Variants in MCF2L observed in about 807,000 individuals in gnomAD.
MCF2L encodes guanine nucleotide exchange factor DBS.
Under a neutral mutation model 153.4 loss-of-function variants are expected in MCF2L, and 97 were observed. The ratio of observed to expected loss-of-function variants is 0.63; its 90% confidence interval spans 0.54 to 0.75. MCF2L has a LOEUF of 0.75. MCF2L is among the 30% of genes least tolerant of loss of function. MCF2L has a pLI of 0.00. For synonymous variants in MCF2L, 659 were observed against 632.2 expected, an observed-to-expected ratio of 1.04 and a Z score of -0.64; for missense variants, 1,347 against 1,495.2, an observed-to-expected ratio of 0.90 and a Z score of 1.64.
In MCF2L at chr13:112,932,305, C is replaced by T. The variant is rs550475164; in HGVS notation, c.169+29934C>T. On this transcript the variant is annotated intron_variant, in intron 2 of 29. Transcript: ENST00000375608. This position sits in a 1 kb window ranked among gnomAD's most constrained non-coding sequence, Gnocchi z 4.6. ...CTCCCCACTCCAATCATGAGAAGGA[C>T]GTCAGAGTTCCAACAGAGGCTTCCA... Among the ~76,000 whole-genome samples, 3 of 152,144 alleles carry T rather than the reference C, an allele frequency of 2.0e-5. No individual in the cohort carries two copies. The South Asian group carries it at 6.2e-4, about 32-fold the overall frequency.
At chr13:112,925,709 CTG>C (rs1355625826) in intron 2 of MCF2L, among the ~76,000 whole-genome samples, 1 of 152,086 alleles carries the variant, frequency 6.6e-6, no homozygotes, top group Non-Finnish European at 1.5e-5. Flanking sequence ...TGTTCTTTAG[CTG>C]ACCTGGGCAG....
intron 2 of MCF2L, among the ~76,000 whole-genome samples, chr13:112,962,186 C>T (rs1204663702): frequency 1.3e-5 from 2 of 150,744 alleles, no homozygotes; most frequent in East Asian, 3.9e-4. Context: ...CACACACACG[C>T]ATGCACAAAC....
chr13:113,027,151 G>A lies in MCF2L; in HGVS notation c.278+2393G>A, dbSNP rs2141320453. 8.8e-6 allele frequency: 6 copies of A among 684,270 alleles called. No homozygotes were observed. The highest frequency in any genetic ancestry group is 1.6e-5 in the Non-Finnish European group (6 of 374,680). The allele number at this position is 684,270 out of a possible 1,614,324, so 42.4% of individuals were successfully genotyped here. ...ACCATCAGCGTGAAAGTGCAGCCGT[G>A]GCCATTACCGTGAAGGTTCTTCATT... is the stretch of plus-strand genomic sequence containing the variant. On this transcript the variant is annotated intron_variant, in intron 3 of 29. Coordinates refer to ENST00000535094, the MANE Select transcript of MCF2L (RefSeq NM_001112732.3). The surrounding 1 kb of genome is among the most constrained non-coding windows in gnomAD (Gnocchi z 4.8).
At chr13:113,071,037 C>T (rs958215759) in intron 9 of MCF2L, among the ~76,000 whole-genome samples, 1 of 152,096 alleles carries the variant, frequency 6.6e-6, no homozygotes, top group Non-Finnish European at 1.5e-5. Flanking sequence ...CTAGTTGCTT[C>T]CCCTTTCCCC....
chr13:112,932,314 T>A lies in MCF2L; in HGVS notation c.169+29943T>A, dbSNP rs908040339. Among the ~76,000 whole-genome samples, 12 of 152,056 alleles carry A rather than the reference T, an allele frequency of 7.9e-5. No homozygotes were observed. Among genetic ancestry groups the A allele is most frequent in the Non-Finnish European group, 1.8e-4 (12 of 68,012 alleles). ...CCAATCATGAGAAGGACGTCAGAGT[T>A]CCAACAGAGGCTTCCAGTATACCTG... On this transcript the variant is annotated intron_variant, in intron 2 of 29. Coordinates refer to the MCF2L transcript ENST00000375608. The surrounding 1 kb of genome is among the most constrained non-coding windows in gnomAD (Gnocchi z 4.6).
Position 113,084,080 on chromosome 13 carries a change from T to C in MCF2L, c.2061+13T>C. 6.2e-7 allele frequency: 1 copy of C among 1,609,094 alleles called. No homozygotes were observed. Among genetic ancestry groups the C allele is most frequent in the Non-Finnish European group, 8.5e-7 (1 of 1,175,476 alleles). ...CTTTCTGGAGAGGGTAGGTGGTGTT[T>C]TGACGTGTATTTTGTCACAACTTCT... On this transcript the variant is annotated intron_variant, in intron 18 of 29. Coordinates refer to ENST00000535094, the MANE Select transcript of MCF2L (RefSeq NM_001112732.3).
In MCF2L at chr13:112,980,739, G is replaced by A. The variant is rs528634530; in HGVS notation, c.79+11281G>A. Among the ~76,000 whole-genome samples, 25 of 148,966 alleles carry A rather than the reference G, an allele frequency of 1.7e-4. No individual in the cohort carries two copies. In the East Asian group the frequency reaches 4.5e-3, roughly 27 times the overall value. On this transcript the variant is annotated intron_variant, in intron 1 of 29. Coordinates refer to ENST00000535094, the MANE Select transcript of MCF2L (RefSeq NM_001112732.3). ...ACTGCCGGTCAGCTGAGCGTGCACC[G>A]TGTGGGTGCAAGTACCCCAGGGCTA...
intron 2 of MCF2L, among the ~76,000 whole-genome samples, chr13:112,963,992 G>T (rs1242606017): frequency 6.6e-6 from 1 of 152,242 alleles, no homozygotes; most frequent in Non-Finnish European, 1.5e-5. Context: ...CACTGGAAGG[G>T]CTGTGGATGG....
In MCF2L at chr13:113,031,646, A is replaced by C. The variant is rs1490858594; in HGVS notation, c.278+6888A>C. ...GGCGGCGGCCCTCAGAGAAGGGACG[A>C]GGTGGGAAGCCTGGAGCTTGCTGGA... On this transcript the variant is annotated intron_variant, in intron 3 of 29. Coordinates refer to ENST00000535094, the MANE Select transcript of MCF2L (RefSeq NM_001112732.3). The surrounding 1 kb of genome is among the most constrained non-coding windows in gnomAD (Gnocchi z 5.5). Among the ~76,000 whole-genome samples, 1 of 151,976 alleles carries C rather than the reference A, an allele frequency of 6.6e-6. No individual in the cohort carries two copies. Among genetic ancestry groups the C allele is most frequent in the Non-Finnish European group, 1.5e-5 (1 of 67,996 alleles).
At chr13:112,901,302 G>A (rs568731153) in intron 1 of MCF2L, among the ~76,000 whole-genome samples, 12 of 152,146 alleles carry the variant, frequency 7.9e-5, no homozygotes, top group African/African-American at 2.6e-4. Context: ...TACAGGTGCC[G>A]GCCACCACGC....
intron 1 of MCF2L, chr13:113,001,836 C>T (rs1054637387): frequency 8.6e-6 from 13 of 1,505,690 alleles, no homozygotes; most frequent in African/African-American, 1.4e-5. Context: ...GGTGCTGGTG[C>T]TGCGCCATCC....
intron 1 of MCF2L, among the ~76,000 whole-genome samples, chr13:113,014,440 CA>C (rs1224745084): frequency 6.6e-6 from 1 of 152,178 alleles, no homozygotes; most frequent in Non-Finnish European, 1.5e-5. Context: ...GAGCCAGGAC[CA>C]AGCCCTTTCC....
At chr13:113,040,873 T>A (rs994976323) in intron 3 of MCF2L, 4 of 152,188 alleles carry the variant, frequency 2.6e-5, no homozygotes, top group African/African-American at 9.7e-5. Flanking sequence ...TCTGCCCACA[T>A]GGGTGGGGGA....
intron 4 of MCF2L, among the ~76,000 whole-genome samples, chr13:113,057,354 G>A (rs1006141337): frequency 1.6e-4 from 24 of 149,158 alleles, no homozygotes; most frequent in African/African-American, 3.5e-4. Context: ...CTGTGTGGGC[G>A]CTGAGTGTTT....
chr13:113,038,941 G>T (rs189242705), intron 3 of MCF2L, among the ~76,000 whole-genome samples: 1 of 152,076 alleles, frequency 6.6e-6, no homozygotes, highest in African/African-American at 2.4e-5. Flanking sequence ...CACTGCAAGC[G>T]CCGCCTCCCG....
chr13:112,900,708 T>C (rs2081111518), intron 1 of MCF2L, among the ~76,000 whole-genome samples: 1 of 152,028 alleles, frequency 6.6e-6, no homozygotes, highest in Admixed American at 6.6e-5. Context: ...CCAGAGTGTT[T>C]GGGACCTGGA....
At chr13:113,091,029 C>G (rs1207745740) in intron 26 of MCF2L, 3 of 1,288,098 alleles carry the variant, frequency 2.3e-6, no homozygotes, top group Non-Finnish European at 1.0e-6. Context: ...GTGTCCCCTT[C>G]CAGCACGAGC....
rs1011331269 is a variant in MCF2L, at chr13:113,027,558, C to T, written c.278+2800C>T. ...TCAGTCTCTTGTCTGTTGTGAGAAT[C>T]TTGCACCCCCTATGCGCCAGGCTCT... On this transcript the variant is annotated intron_variant, in intron 3 of 29. Coordinates refer to ENST00000535094, the MANE Select transcript of MCF2L (RefSeq NM_001112732.3). This position sits in a 1 kb window ranked among gnomAD's most constrained non-coding sequence, Gnocchi z 4.8. Among the ~76,000 whole-genome samples the T allele has an allele frequency of 2.6e-5, 4 of 152,206 alleles. No homozygotes were observed. Among genetic ancestry groups the T allele is most frequent in the African/African-American group, 9.7e-5 (4 of 41,448 alleles).
chr13:112,983,023 G>C lies in MCF2L; in HGVS notation c.79+13565G>C, dbSNP rs566221854. 1.2e-4 allele frequency among the ~76,000 whole-genome samples: 18 copies of C among 152,252 alleles called. No homozygotes were observed. The South Asian group carries it at 3.5e-3, about 30-fold the overall frequency. ...GGCGCTGGTTCCAGTGGGGAGGTTG[G>C]GGAAAGCACTTCCTGATGCCTTTGG... On this transcript the variant is annotated intron_variant, in intron 1 of 29. Transcript: ENST00000535094. This position sits in a 1 kb window ranked among gnomAD's most constrained non-coding sequence, Gnocchi z 4.0.
Sources: allele counts gnomAD v4.1 joint callset (sites outside exome capture counted in the v4.1 genomes callset), GRCh38; gene constraint gnomAD v4.1.1; non-coding constraint Gnocchi (gnomAD v3.1); transcripts MANE v1.5; gene names NCBI Gene and HGNC (gene_info 2026-07-23, HGNC 2026-07-21).